HS3ST4: variants seen among roughly 807,000 people sequenced by gnomAD.
The protein encoded by HS3ST4 is heparan sulfate-glucosamine 3-sulfotransferase 4, also known as heparan sulfate glucosamine 3-O-sulfotransferase 4.
HS3ST4 carries 17 observed loss-of-function variants against 29.2 expected under a neutral mutation model. The ratio of observed to expected loss-of-function variants is 0.58; its 90% confidence interval spans 0.40 to 0.87. The LOEUF is 0.87. HS3ST4 is among the 40% of genes least tolerant of loss of function. The pLI is 0.00. For missense variants in HS3ST4, 627 were observed against 634.5 expected, an observed-to-expected ratio of 0.99 and a Z score of 0.13; for synonymous variants, 314 against 285.7, an observed-to-expected ratio of 1.10 and a Z score of -1.00.
intron 1 of HS3ST4, among the ~76,000 whole-genome samples, chr16:26,085,260 G>C (rs1484761981): frequency 3.9e-5 from 6 of 152,180 alleles, no homozygotes; most frequent in Non-Finnish European, 7.3e-5. Flanking sequence ...CACTTCTCGG[G>C]ATTGTGTAGA....
chr16:25,848,846 G>C (rs1357719990), intron 1 of HS3ST4, among the ~76,000 whole-genome samples: 2 of 151,136 alleles, frequency 1.3e-5, no homozygotes, highest in Non-Finnish European at 2.9e-5. Flanking sequence ...TCCTTTTCCA[G>C]CTTCCTGAGT....
At chr16:26,003,124 T>A (rs1034036062) in intron 1 of HS3ST4, among the ~76,000 whole-genome samples, 1 of 152,154 alleles carries the variant, frequency 6.6e-6, no homozygotes, top group African/African-American at 2.4e-5. Context: ...CTAGCTCCAA[T>A]TGACTTGAAT....
chr16:25,908,228 T>G (rs1426556301), intron 1 of HS3ST4, among the ~76,000 whole-genome samples: 1 of 152,184 alleles, frequency 6.6e-6, no homozygotes, highest in Non-Finnish European at 1.5e-5. Flanking sequence ...AAAGCCAAGA[T>G]ATGAAACAAT....
intron 1 of HS3ST4, among the ~76,000 whole-genome samples, chr16:25,869,543 A>T (rs963484267): frequency 1.3e-5 from 2 of 152,200 alleles, no homozygotes; most frequent in South Asian, 2.1e-4. Flanking sequence ...GCAGGGAGGG[A>T]TCAGGAGTTC....
At chr16:26,054,411 C>A (rs556530036) in intron 1 of HS3ST4, among the ~76,000 whole-genome samples, 58 of 152,200 alleles carry the variant, frequency 3.8e-4, no homozygotes, top group African/African-American at 1.3e-3. Context: ...ACTTCCCCTC[C>A]CAATTGACTC....
intron 1 of HS3ST4, among the ~76,000 whole-genome samples, chr16:25,698,070 G>A (rs572005042): frequency 1.3e-5 from 2 of 152,208 alleles, no homozygotes; most frequent in Admixed American, 6.5e-5. Flanking sequence ...ATTGGGGAAT[G>A]TGTGTGTGCA....
At chr16:25,716,234 T>C (rs919025562) in intron 1 of HS3ST4, among the ~76,000 whole-genome samples, 2 of 152,226 alleles carry the variant, frequency 1.3e-5, no homozygotes, top group African/African-American at 4.8e-5. Flanking sequence ...ATAGAAGGAT[T>C]CTCTTTTCGC....
chr16:25,853,825 A>G (rs939230102), intron 1 of HS3ST4, among the ~76,000 whole-genome samples: 10 of 152,098 alleles, frequency 6.6e-5, no homozygotes, highest in African/African-American at 2.4e-4. Flanking sequence ...CTTTTCTTGC[A>G]GTATTCTTGT....
intron 1 of HS3ST4, among the ~76,000 whole-genome samples, chr16:25,955,320 A>C (rs114771441): frequency 5.9e-5 from 9 of 152,290 alleles, no homozygotes; most frequent in African/African-American, 2.2e-4. Context: ...CAGCCTCTGC[A>C]TAATGTCCTA....
chr16:26,121,385 C>T (rs575112458), intron 1 of HS3ST4, among the ~76,000 whole-genome samples: 1 of 152,272 alleles, frequency 6.6e-6, no homozygotes, highest in Admixed American at 6.5e-5. Flanking sequence ...CAGGAAAAGT[C>T]AAGAGCTGAA....
intron 1 of HS3ST4, among the ~76,000 whole-genome samples, chr16:25,998,453 G>A (rs932003816): frequency 3.9e-5 from 6 of 152,142 alleles, no homozygotes; most frequent in Non-Finnish European, 7.4e-5. Context: ...TGAGTTAGTC[G>A]TTGAATAGCT....
rs569869052 is a variant in HS3ST4, at chr16:25,870,855, A to G, written c.734+177704A>G. Among the ~76,000 whole-genome samples the G allele has an allele frequency of 2.0e-5, 3 of 152,152 alleles. No homozygotes were observed. In the South Asian group the frequency reaches 6.2e-4, roughly 32 times the overall value. Reference sequence around the variant, plus strand: ...AGGTGGGAAGGAGTGCTGAGATTCCAGATGTATTTTAAGGTAGAGGAAAAC... The same window carrying G: ...AGGTGGGAAGGAGTGCTGAGATTCCGGATGTATTTTAAGGTAGAGGAAAAC... On this transcript the variant is annotated intron_variant, in intron 1 of 1. Transcript: ENST00000331351.
chr16:25,866,388 A>C (rs750189156), intron 1 of HS3ST4, among the ~76,000 whole-genome samples: 3 of 152,192 alleles, frequency 2.0e-5, no homozygotes, highest in Non-Finnish European at 4.4e-5. Context: ...CACAATAGGA[A>C]AGACTTGGAA....
intron 1 of HS3ST4, among the ~76,000 whole-genome samples, chr16:25,773,065 C>T (rs554244709): frequency 1.3e-5 from 2 of 152,288 alleles, no homozygotes; most frequent in Non-Finnish European, 1.5e-5. Flanking sequence ...CCATACATAG[C>T]GATACATGCC....
At chr16:25,832,360 G>A (rs928734015) in intron 1 of HS3ST4, among the ~76,000 whole-genome samples, 1 of 152,148 alleles carries the variant, frequency 6.6e-6, no homozygotes, top group Non-Finnish European at 1.5e-5. Context: ...CTGGGCTGGC[G>A]GAGAGGCTAG....
At chr16:25,714,935 CT>C (rs1966441935) in intron 1 of HS3ST4, among the ~76,000 whole-genome samples, 2 of 152,180 alleles carry the variant, frequency 1.3e-5, no homozygotes, top group South Asian at 4.1e-4. Flanking sequence ...TTCTGGATGC[CT>C]TTTGATAAGT....
chr16:26,103,997 G>C (rs1467015503), intron 1 of HS3ST4, among the ~76,000 whole-genome samples: 3 of 152,112 alleles, frequency 2.0e-5, no homozygotes, highest in African/African-American at 7.2e-5. Flanking sequence ...TATTGCCTAG[G>C]TTCCTATGAT....
At chr16:25,796,140 C>T (rs1403319460) in intron 1 of HS3ST4, among the ~76,000 whole-genome samples, 5 of 152,150 alleles carry the variant, frequency 3.3e-5, no homozygotes, top group South Asian at 2.1e-4. Flanking sequence ...CCTCCACCCT[C>T]GTGCAATTGC....
chr16:25,937,726 A>C (rs1968530768), intron 1 of HS3ST4, among the ~76,000 whole-genome samples: 1 of 152,222 alleles, frequency 6.6e-6, no homozygotes, highest in South Asian at 2.1e-4. Context: ...TGATTGGGGC[A>C]TAGCTCTGAT....
Sources: allele counts gnomAD v4.1 joint callset (sites outside exome capture counted in the v4.1 genomes callset), GRCh38; gene constraint gnomAD v4.1.1; transcripts MANE v1.5; gene names NCBI Gene and HGNC (gene_info 2026-07-23, HGNC 2026-07-21).